Variants in ARNT observed in about 807,000 individuals in gnomAD.
ARNT encodes aryl hydrocarbon receptor nuclear translocator.
In ARNT, 30 loss-of-function variants were observed where a neutral mutation model predicts 105.0. That is an observed-to-expected ratio of 0.29 (90% confidence interval 0.21 to 0.39). The LOEUF (loss-of-function observed/expected upper bound fraction) is 0.39, where lower values mean the gene tolerates loss of function less well. ARNT is among the 10% of genes least tolerant of loss of function. The pLI is 1.00. For missense variants in ARNT, 748 were observed against 978.7 expected, an observed-to-expected ratio of 0.76 and a Z score of 3.15; for synonymous variants, 304 against 344.0, an observed-to-expected ratio of 0.88 and a Z score of 1.29.
At chr1:150,853,993 C>T (rs1664090992) in intron 2 of ARNT, among the ~76,000 whole-genome samples, 1 of 152,108 alleles carries the variant, frequency 6.6e-6, no homozygotes, top group African/African-American at 2.4e-5. Context: ...AGTGTTTGCT[C>T]CTCTTCCTCC....
chr1:150,847,155 G>A (rs1467037612), intron 3 of ARNT, among the ~76,000 whole-genome samples: 1 of 151,982 alleles, frequency 6.6e-6, no homozygotes, highest in Non-Finnish European at 1.5e-5. Context: ...GGGGAGGCTG[G>A]GCGCAGTGGC....
chr1:150,827,390 G>A (rs756204098), intron 12 of ARNT, among the ~76,000 whole-genome samples: 58 of 152,060 alleles, frequency 3.8e-4, no homozygotes, highest in Admixed American at 6.5e-4. Context: ...CTCTAGTTCT[G>A]CTATTTCTAC....
intron 1 of ARNT, among the ~76,000 whole-genome samples, chr1:150,871,363 C>T (rs1213647374): frequency 1.4e-5 from 2 of 141,016 alleles, no homozygotes; most frequent in African/African-American, 5.3e-5. Context: ...TGCAGTGGTA[C>T]GATCTCAGCT....
intron 18 of ARNT, 58 bp from the exon 19 acceptor site, chr1:150,816,464 G>GA (rs937994822): frequency 6.4e-7 from 1 of 1,557,612 alleles, no homozygotes; most frequent in African/African-American, 1.4e-5. Flanking sequence ...CAGAAGCTAG[G>GA]AATCAAAGGA....
chr1:150,833,999 A>G (rs1330362191), intron 8 of ARNT, among the ~76,000 whole-genome samples: 1 of 151,692 alleles, frequency 6.6e-6, no homozygotes, highest in Admixed American at 6.6e-5. Context: ...TAATGGCACA[A>G]TCTCGGCTCA....
chr1:150,817,874 C>G, intron 15 of ARNT, 46 bp downstream of exon 15: 1 of 1,471,348 alleles, frequency 6.8e-7, no homozygotes, highest in Non-Finnish European at 9.4e-7. Flanking sequence ...CAAATGACCA[C>G]CCCCTGGGTG....
chr1:150,826,492 G>A, intron 13 of ARNT, 51 bp downstream of exon 13: 1 of 1,419,966 alleles, frequency 7.0e-7, no homozygotes, highest in Non-Finnish European at 9.9e-7. Context: ...CAATATTTAT[G>A]GAGTGAATAT....
intron 1 of ARNT, among the ~76,000 whole-genome samples, chr1:150,867,373 A>G (rs1461802776): frequency 1.4e-5 from 2 of 147,742 alleles, no homozygotes; most frequent in East Asian, 2.0e-4. Flanking sequence ...CTATAAATTA[A>G]AAAAAAAAAA....
chr1:150,853,054 G>C, intron 2 of ARNT: 1 of 468,246 alleles, frequency 2.1e-6, no homozygotes, highest in East Asian at 4.2e-5. Context: ...GCTGAGGTGG[G>C]TGGATCACCT....
At chr1:150,841,049 A>T (rs1661208311) in intron 5 of ARNT, among the ~76,000 whole-genome samples, 1 of 149,240 alleles carries the variant, frequency 6.7e-6, no homozygotes, top group Non-Finnish European at 1.5e-5. Flanking sequence ...TCTGGGTTCA[A>T]GCAATTCTGC....
At chr1:150,864,061 C>T (rs1666122856) in intron 1 of ARNT, among the ~76,000 whole-genome samples, 1 of 152,060 alleles carries the variant, frequency 6.6e-6, no homozygotes, top group Non-Finnish European at 1.5e-5. Flanking sequence ...TATATGTAGC[C>T]TATTACTCCC....
intron 3 of ARNT, among the ~76,000 whole-genome samples, chr1:150,852,517 T>C (rs1399377050): frequency 6.6e-6 from 1 of 152,226 alleles, no homozygotes; most frequent in African/African-American, 2.4e-5. Context: ...TTGTTCTTTT[T>C]AGGCTATGAA....
chr1:150,856,010 TG>T (rs1288986398), intron 2 of ARNT, among the ~76,000 whole-genome samples: 2 of 152,314 alleles, frequency 1.3e-5, no homozygotes, highest in East Asian at 1.9e-4. Context: ...GACTAGGCCA[TG>T]TAAAACTATA....
chr1:150,816,760 T>TA, intron 18 of ARNT, 28 bp downstream of exon 18: 1 of 1,550,470 alleles, frequency 6.4e-7, no homozygotes, highest in Middle Eastern at 1.7e-4. Context: ...CAGGGCCCTG[T>TA]AAAGCAGCAC....
In ARNT at chr1:150,813,191, C is replaced by A; in HGVS notation, c.2261G>T (p.Gly754Val). The A allele has an allele frequency of 6.2e-7, 1 of 1,613,386 alleles. No individual in the cohort carries two copies. The highest frequency in any genetic ancestry group is 8.5e-7 in the Non-Finnish European group (1 of 1,179,710). ...TCTTACCTGGAAGACCTCAGGCTGGCCAGGTTGCTGTGCTGGCGGTTGTTG... is the reference window on the plus strand; with the variant it reads ...TCTTACCTGGAAGACCTCAGGCTGGACAGGTTGCTGTGCTGGCGGTTGTTG... ...HVQQPPAQQPGQPEVFQEMLS... is the reference protein window; with the variant it reads ...HVQQPPAQQPVQPEVFQEMLS... Residue 754 changes from glycine (G) to valine (V), a missense_variant, in exon 21 of 22, where the codon GGC becomes GTC. By Grantham distance (109) the Gly-to-Val change is moderately radical. Transcript: ENST00000358595.
At chr1:150,834,694 G>A (rs1480684099) in intron 7 of ARNT, 54 bp from the exon 8 acceptor site, 3 of 1,487,128 alleles carry the variant, frequency 2.0e-6, no homozygotes, top group Non-Finnish European at 2.8e-6. Context: ...GTGGGGAAGA[G>A]GGGGAGAGAT....
intron 13 of ARNT, among the ~76,000 whole-genome samples, chr1:150,825,020 C>T (rs977740936): frequency 6.6e-6 from 1 of 152,032 alleles, no homozygotes; most frequent in Non-Finnish European, 1.5e-5. Context: ...AGCCACCATA[C>T]CCGGCTAATT....
intron 1 of ARNT, among the ~76,000 whole-genome samples, chr1:150,868,030 T>A (rs923455553): frequency 5.3e-5 from 8 of 152,160 alleles, no homozygotes; most frequent in African/African-American, 1.7e-4. Flanking sequence ...GAGAATGGAC[T>A]AATACAAAGG....
rs912976084 is a variant in ARNT, at chr1:150,814,244, A to G, written c.1951-5T>C. Reference sequence around the variant, plus strand: ...AGTAGCCTGGGTAGCCACCTGCTAAAGAGAGATGGAGAGGGGATATAGAAC... The same window carrying G: ...AGTAGCCTGGGTAGCCACCTGCTAAGGAGAGATGGAGAGGGGATATAGAAC... On this transcript the variant is annotated splice_region_variant and splice_polypyrimidine_tract_variant and intron_variant, in intron 19 of 21. Coordinates refer to ENST00000358595, the MANE Select transcript of ARNT (RefSeq NM_001668.4). 6.2e-7 allele frequency: 1 copy of G among 1,613,716 alleles called. No individual in the cohort carries two copies. The highest frequency in any genetic ancestry group is 8.5e-7 in the Non-Finnish European group (1 of 1,179,824).
Sources: gnomAD v4.1 joint callset for allele counts (sites outside exome capture counted in the v4.1 genomes callset) on GRCh38, gnomAD v4.1.1 for gene constraint, MANE v1.5 for transcripts, NCBI Gene and HGNC (gene_info 2026-07-23, HGNC 2026-07-21) for gene names.